The following CLTCL1 variants were observed in gnomAD, a reference collection of about 807,000 sequenced individuals.
CLTCL1 encodes clathrin heavy chain like 1.
Under a neutral mutation model 190.0 loss-of-function variants are expected in CLTCL1, and 159 were observed. The observed-to-expected ratio is 0.84, with a 90% CI of 0.74 to 0.95. The LOEUF (loss-of-function observed/expected upper bound fraction) is 0.95, where lower values mean the gene tolerates loss of function less well. CLTCL1 is among the 40% of genes least tolerant of loss of function. The pLI, the probability that CLTCL1 is intolerant of heterozygous loss-of-function variation, is 0.00. For synonymous variants in CLTCL1, 752 were observed against 769.6 expected (o/e 0.98, Z 0.38); for missense variants, 1,878 against 2,033.4 (o/e 0.92, Z 1.47).
chr22:19,222,409 G>T (rs1156966613), intron 15 of CLTCL1, among the ~76,000 whole-genome samples: 3 of 152,228 alleles, frequency 2.0e-5, no homozygotes, highest in Non-Finnish European at 4.4e-5. Flanking sequence ...CCAGGAGGCT[G>T]TCTGCAAGCG....
chr22:19,247,434 A>AT (rs2086452794), intron 3 of CLTCL1, among the ~76,000 whole-genome samples: 1 of 152,198 alleles, frequency 6.6e-6, no homozygotes, highest in Non-Finnish European at 1.5e-5. Flanking sequence ...TTAGTTTGTC[A>AT]GTAAAGCATA....
chr22:19,230,351 G>A (rs963284599), intron 10 of CLTCL1, among the ~76,000 whole-genome samples: 1 of 152,072 alleles, frequency 6.6e-6, no homozygotes, highest in African/African-American at 2.4e-5. Flanking sequence ...TGATCCGCCC[G>A]CCTCGGCCTC....
chr22:19,253,320 A>G (rs1487408378), intron 3 of CLTCL1, among the ~76,000 whole-genome samples: 2 of 152,210 alleles, frequency 1.3e-5, no homozygotes, highest in East Asian at 3.9e-4. Flanking sequence ...TGCAATTACC[A>G]AGGACAGGCC....
chr22:19,279,923 C>T (rs1555985534), intron 1 of CLTCL1, among the ~76,000 whole-genome samples: 2 of 152,184 alleles, frequency 1.3e-5, no homozygotes, highest in East Asian at 1.9e-4. Context: ...CTGAACTGCA[C>T]CTCAGTGGTG....
intron 3 of CLTCL1, 34 bp downstream of exon 3, chr22:19,253,925 T>A (rs1555971256): frequency 6.2e-7 from 1 of 1,601,128 alleles, no homozygotes; most frequent in Admixed American, 1.7e-5. Flanking sequence ...TGAAGTTACA[T>A]CAGACCAGCC....
At chr22:19,193,231 T>G (rs1341289657) in intron 26 of CLTCL1, among the ~76,000 whole-genome samples, 6 of 152,238 alleles carry the variant, frequency 3.9e-5, no homozygotes, top group Non-Finnish European at 8.8e-5. Flanking sequence ...TGGTACCATG[T>G]GCACTCTTGG....
intron 26 of CLTCL1, 143 bp from the exon 27 acceptor site, chr22:19,191,578 C>T: frequency 1.0e-6 from 1 of 968,276 alleles, no homozygotes; most frequent in Non-Finnish European, 1.5e-6. Context: ...TGTGAAGGTG[C>T]CTCCTCTCAT....
intron 1 of CLTCL1, among the ~76,000 whole-genome samples, chr22:19,286,901 C>T (rs2087926557): frequency 6.6e-6 from 1 of 152,164 alleles, no homozygotes; most frequent in African/African-American, 2.4e-5. Flanking sequence ...CATCTTTCTC[C>T]TACAATTCTA....
At chr22:19,262,890 G>A (rs1194857290) in intron 2 of CLTCL1, among the ~76,000 whole-genome samples, 2 of 151,782 alleles carry the variant, frequency 1.3e-5, no homozygotes, top group Non-Finnish European at 2.9e-5. Flanking sequence ...AATTAGCTGG[G>A]CGTGGTCGCA....
At chr22:19,239,487 T>C in intron 4 of CLTCL1, 99 bp from the exon 5 acceptor site, 2 of 826,932 alleles carry the variant, frequency 2.4e-6, no homozygotes, top group South Asian at 1.4e-5. Flanking sequence ...CTCCACACAC[T>C]GGATGATTAA....
At chr22:19,181,120 T>C in intron 30 of CLTCL1, 1 of 379,256 alleles carries the variant, frequency 2.6e-6, no homozygotes, top group South Asian at 4.2e-5. Flanking sequence ...GGCCAAGTCC[T>C]CCTCTGGATA....
At position 19,216,067 on chromosome 22, in the gene CLTCL1, T is replaced by A. The variant is rs113579038; in HGVS notation, c.3065+44A>T. The A allele has an allele frequency of 6.9e-4, 1,100 of 1,595,364 alleles. 8 individuals are homozygous for A. The African/African-American group carries it at 0.012, about 18-fold the overall frequency. On this transcript the variant is annotated intron_variant, in intron 19 of 32. Transcript: ENST00000427926. ...CAGAAGATGAGTATCAAGCAGATGT[T>A]TTGAATCTGCCTGTGTCCACAGCTA...
chr22:19,197,298 G>A (rs1401542264), intron 24 of CLTCL1, among the ~76,000 whole-genome samples: 1 of 151,910 alleles, frequency 6.6e-6, no homozygotes, highest in Non-Finnish European at 1.5e-5. Context: ...ACCCTTCTGT[G>A]CCCCCTCCAC....
chr22:19,196,684 C>T, intron 24 of CLTCL1, 28 bp from the exon 25 acceptor site: 1 of 1,597,124 alleles, frequency 6.3e-7, no homozygotes, highest in East Asian at 2.3e-5. Context: ...ACGCGTGGGG[C>T]AGAGTGATTG....
At chr22:19,263,416 T>A (rs1243588788) in intron 2 of CLTCL1, among the ~76,000 whole-genome samples, 1 of 151,796 alleles carries the variant, frequency 6.6e-6, no homozygotes, top group Non-Finnish European at 1.5e-5. Context: ...TTATTTTTAT[T>A]TTTATTTTTA....
At chr22:19,254,518 T>C (rs992055215) in intron 2 of CLTCL1, among the ~76,000 whole-genome samples, 1 of 152,222 alleles carries the variant, frequency 6.6e-6, no homozygotes, top group Non-Finnish European at 1.5e-5. Context: ...AGCAAGCCTC[T>C]CTTTTAGATT....
At chr22:19,180,429 C>T (rs1275418494) in intron 31 of CLTCL1, among the ~76,000 whole-genome samples, 191 bp from the exon 32 acceptor site, 1 of 152,192 alleles carries the variant, frequency 6.6e-6, no homozygotes, top group Non-Finnish European at 1.5e-5. Flanking sequence ...TGCAAAGCCC[C>T]TCCCAGCACA....
rs782433165 is a variant in CLTCL1, at chr22:19,222,038, G to C, written c.2474C>G (p.Ser825Cys). The stretch of plus-strand genomic sequence containing the variant: ...GATTAAGTGTTTAATCACTTCCTCA[G>C]AACAATCCACATCAAGCAGCCCTCC... The part of the protein sequence containing the change: ...VIGGLLDVDC[S>C]EEVIKHLIMA... The change falls in exon 16 of 33, where the codon TCT (serine) becomes TGT (cysteine). Residue 825 changes from serine to cysteine, a missense_variant. By Grantham distance (112) the Ser-to-Cys change is moderately radical. Transcript: ENST00000427926. The C allele has an allele frequency of 1.9e-6, 3 of 1,613,992 alleles. No individual in the cohort carries two copies. The South Asian group carries it at 3.3e-5, about 18-fold the overall frequency.
chr22:19,199,288 G>A (rs1555937674), intron 24 of CLTCL1, among the ~76,000 whole-genome samples: 1 of 152,144 alleles, frequency 6.6e-6, no homozygotes, highest in African/African-American at 2.4e-5. Flanking sequence ...CCCTTCCAAA[G>A]GGTCCAGGTG....
Sources: allele counts gnomAD v4.1 joint callset (sites outside exome capture counted in the v4.1 genomes callset), GRCh38; gene constraint gnomAD v4.1.1; transcripts MANE v1.5; gene names NCBI Gene and HGNC (gene_info 2026-07-23, HGNC 2026-07-21).